Variants in SPECC1 observed in about 807,000 individuals in gnomAD.
SPECC1 encodes sperm antigen with calponin homology and coiled-coil domains 1.
A neutral mutation model predicts 104.1 loss-of-function variants in SPECC1; 62 were observed. The ratio of observed to expected loss-of-function variants is 0.60; its 90% CI spans 0.49 to 0.74. The LOEUF (loss-of-function observed/expected upper bound fraction) is 0.74, where lower values mean the gene tolerates loss of function less well. Among genes scored for constraint, SPECC1 ranks in the 30% least tolerant of loss-of-function variants. The pLI is 0.00. For missense variants in SPECC1, 1,306 were observed against 1,310.5 expected, an observed-to-expected ratio of 1.00 and a Z score of 0.05; for synonymous variants, 513 against 501.6, an observed-to-expected ratio of 1.02 and a Z score of -0.30.
intron 14 of SPECC1, 70 bp downstream of exon 14, chr17:20,306,152 A>G: frequency 5.4e-6 from 8 of 1,471,152 alleles, no homozygotes; most frequent in Non-Finnish European, 7.6e-6. Context: ...CATCTGATAA[A>G]CAGTTTCTCG....
intron 1 of SPECC1, among the ~76,000 whole-genome samples, chr17:20,059,521 T>C (rs1567818046): frequency 6.6e-6 from 1 of 151,936 alleles, no homozygotes; most frequent in Non-Finnish European, 1.5e-5. Flanking sequence ...TCAACTCTGC[T>C]CTGAGGAAAA....
At chr17:20,199,717 T>C (rs1248611022) in intron 3 of SPECC1, among the ~76,000 whole-genome samples, 1 of 152,204 alleles carries the variant, frequency 6.6e-6, no homozygotes, top group East Asian at 1.9e-4. Flanking sequence ...TTGTACTGAT[T>C]GACATTCTCA....
chr17:20,136,478 A>T (rs752005276), intron 3 of SPECC1, among the ~76,000 whole-genome samples: 15 of 151,998 alleles, frequency 9.9e-5, no homozygotes, highest in Non-Finnish European at 1.5e-5. Flanking sequence ...TTATCAGGTA[A>T]ACATTTTCTA....
At chr17:20,107,559 C>A (rs996208341) in intron 2 of SPECC1, among the ~76,000 whole-genome samples, 1 of 150,766 alleles carries the variant, frequency 6.6e-6, no homozygotes, top group African/African-American at 2.4e-5. Flanking sequence ...TGGGTTCAAG[C>A]GATTCTCCTG....
chr17:20,302,443 C>G (rs920298498), intron 13 of SPECC1, among the ~76,000 whole-genome samples: 3 of 152,106 alleles, frequency 2.0e-5, no homozygotes, highest in Non-Finnish European at 2.9e-5. Context: ...GCTTCTGCCT[C>G]CCAGGTGGCC....
At chr17:20,045,282 G>T (rs2045494701) in intron 1 of SPECC1, among the ~76,000 whole-genome samples, 1 of 152,054 alleles carries the variant, frequency 6.6e-6, no homozygotes, top group South Asian at 2.1e-4. Context: ...CACTCTTTTT[G>T]ATGGTTGAAT....
chr17:20,016,640 C>T (rs1403401133), intron 1 of SPECC1, among the ~76,000 whole-genome samples: 2 of 152,230 alleles, frequency 1.3e-5, no homozygotes, highest in East Asian at 3.9e-4. Context: ...CCCGATTTCT[C>T]GCTGGGCCTT....
chr17:20,250,518 G>A (rs978487837), intron 9 of SPECC1, among the ~76,000 whole-genome samples: 1 of 152,092 alleles, frequency 6.6e-6, no homozygotes, highest in Non-Finnish European at 1.5e-5. Flanking sequence ...TTGATGAAAT[G>A]GTCAAAATCT....
At chr17:20,276,812 A>G (rs1191630935) in intron 12 of SPECC1, among the ~76,000 whole-genome samples, 1 of 152,250 alleles carries the variant, frequency 6.6e-6, no homozygotes, top group African/African-American at 2.4e-5. Context: ...AGCCGGCTGC[A>G]TTAGTGAGAA....
rs912344850 is a variant in SPECC1 at position 20,140,350 on chromosome 17, C to G, written c.283+29788C>G. ...TAGTTTTTTTAAACATGAGAAAGAACGAAAATACTTAAGAGGAAGATTGGA... is the reference window on the plus strand; with the variant it reads ...TAGTTTTTTTAAACATGAGAAAGAAGGAAAATACTTAAGAGGAAGATTGGA... On this transcript the variant is annotated intron_variant, in intron 3 of 14. Transcript: ENST00000395527. Among the ~76,000 whole-genome samples the G allele has an allele frequency of 2.0e-5, 3 of 151,910 alleles. 1 individual carries two copies. The highest frequency in any genetic ancestry group is 2.0e-4 in the Admixed American group (3 of 15,238).
At chr17:20,188,329 G>C (rs922584008) in intron 3 of SPECC1, among the ~76,000 whole-genome samples, 2 of 151,454 alleles carry the variant, frequency 1.3e-5, no homozygotes, top group African/African-American at 4.9e-5. Flanking sequence ...TGTGATCTCG[G>C]CTCACTGCAG....
At chr17:20,187,495 A>G (rs188731312) in intron 3 of SPECC1, among the ~76,000 whole-genome samples, 130 of 152,276 alleles carry the variant, frequency 8.5e-4, no homozygotes, top group Admixed American at 2.6e-3. Flanking sequence ...TGCCAGTACC[A>G]TCACATAGCC....
intron 8 of SPECC1, 91 bp downstream of exon 8, chr17:20,246,162 C>A: frequency 1.3e-6 from 2 of 1,499,216 alleles, no homozygotes; most frequent in South Asian, 1.2e-5. Flanking sequence ...CACCCTGGCC[C>A]TGTGTTGTTA....
intron 3 of SPECC1, among the ~76,000 whole-genome samples, chr17:20,173,067 C>G (rs1018256718): frequency 3.3e-5 from 5 of 152,330 alleles, no homozygotes; most frequent in Admixed American, 3.3e-4. Flanking sequence ...GTTGTACGCT[C>G]TAGTGAGTCC....
At chr17:20,275,708 A>G (rs1201429436) in intron 12 of SPECC1, among the ~76,000 whole-genome samples, 1 of 152,212 alleles carries the variant, frequency 6.6e-6, no homozygotes, top group African/African-American at 2.4e-5. Flanking sequence ...TTAGTTGCAT[A>G]GAGGTAAGGC....
intron 3 of SPECC1, among the ~76,000 whole-genome samples, chr17:20,111,180 C>G (rs1274696667): frequency 2.0e-5 from 3 of 152,194 alleles, no homozygotes; most frequent in Non-Finnish European, 2.9e-5. Flanking sequence ...GATAATAACT[C>G]TTAAGCTTTC....
intron 11 of SPECC1, among the ~76,000 whole-genome samples, chr17:20,259,709 G>A (rs142559522): frequency 1.3e-5 from 2 of 151,964 alleles, no homozygotes; most frequent in Admixed American, 6.6e-5. Context: ...ATGGGGTCTC[G>A]CTATGTTGCC....
At chr17:20,043,135 C>G (rs1349997973) in intron 1 of SPECC1, among the ~76,000 whole-genome samples, 2 of 152,156 alleles carry the variant, frequency 1.3e-5, no homozygotes, top group Non-Finnish European at 1.5e-5. Context: ...AGAAGCTGTC[C>G]AGTTCTTCCC....
At chr17:20,225,614 CA>C (rs1312044786) in intron 4 of SPECC1, among the ~76,000 whole-genome samples, 8 of 152,146 alleles carry the variant, frequency 5.3e-5, no homozygotes, top group Non-Finnish European at 7.3e-5. Flanking sequence ...GTCTCTCTAC[CA>C]TGTGGTTGCT....
Sources: gnomAD v4.1 joint callset for allele counts (sites outside exome capture counted in the v4.1 genomes callset) on GRCh38, gnomAD v4.1.1 for gene constraint, MANE v1.5 for transcripts, NCBI Gene and HGNC (gene_info 2026-07-23, HGNC 2026-07-21) for gene names.